The following CROCC2 variants were observed in gnomAD, a reference collection of about 807,000 sequenced individuals.
The protein encoded by CROCC2 is ciliary rootlet coiled-coil protein 2.
CROCC2 carries 163 observed loss-of-function variants against 177.6 expected under a neutral mutation model. The ratio of observed to expected loss-of-function variants is 0.92; its 90% CI spans 0.81 to 1.05. CROCC2 has a LOEUF of 1.05. CROCC2 is among the 50% of genes least tolerant of loss of function. The pLI is 0.00. For missense variants in CROCC2, 1,929 were observed against 1,797.8 expected, an observed-to-expected ratio of 1.07 and a Z score of -1.32; for synonymous variants, 904 against 787.3, an observed-to-expected ratio of 1.15 and a Z score of -2.48.
rs2059573002 is a variant in CROCC2 at position 240,953,905 on chromosome 2, G to A, written c.2830-1954G>A. ...TTTGCAAAGTGAAGCTCTCACCCGA[G>A]AGAACGACACGCTTCTATATTTGAT... is the stretch of plus-strand genomic sequence containing the variant. On this transcript the variant is annotated intron_variant, in intron 18 of 31. Coordinates refer to ENST00000690015, the MANE Select transcript of CROCC2 (RefSeq NM_001351305.2). The surrounding 1 kb of genome is among the most constrained non-coding windows in gnomAD (Gnocchi z 4.0). 6.6e-6 allele frequency among the ~76,000 whole-genome samples: 1 copy of A among 152,146 alleles called. No homozygotes were observed. The highest frequency in any genetic ancestry group is 2.1e-4 in the South Asian group (1 of 4,824).
Position 240,955,379 on chromosome 2 carries a change from G to A in CROCC2, c.2830-480G>A, listed in dbSNP as rs1036317503. ...GCATTGCTTCCACAGCCTGGTCCAC[G>A]GAGCAGCGTGCCACCCTTGGAGCTG... is the stretch of plus-strand genomic sequence containing the variant. On this transcript the variant is annotated intron_variant, in intron 18 of 31. Transcript: ENST00000690015. 3.8e-5 allele frequency: 6 copies of A among 156,310 alleles called. No homozygotes were observed. In the South Asian group the frequency reaches 7.9e-4, roughly 21 times the overall value. 9.7% of individuals were successfully genotyped at this position (156,310 alleles called of 1,614,324 possible).
At chr2:240,959,636 G>T (rs1316619658) in intron 20 of CROCC2, 192 bp downstream of exon 20, 3 of 650,916 alleles carry the variant, frequency 4.6e-6, no homozygotes, top group African/African-American at 3.7e-5. Context: ...CTCACACCAC[G>T]CACTAAGCCA....
Position 240,914,538 on chromosome 2 carries a change from G to A in CROCC2, c.79-4188G>A, listed in dbSNP as rs922613101. Reference sequence around the variant, plus strand: ...GGCAGCCCCCTGCAGCGCTCCTCGCGGCCACACGGGGGCACTGTTGGAGCT... The same window carrying A: ...GGCAGCCCCCTGCAGCGCTCCTCGCAGCCACACGGGGGCACTGTTGGAGCT... On this transcript the variant is annotated intron_variant, in intron 1 of 31. Transcript: ENST00000690015. Among the ~76,000 whole-genome samples the A allele has an allele frequency of 1.1e-4, 17 of 152,332 alleles. No homozygotes were observed. In the Middle Eastern group the frequency reaches 0.014, roughly 122 times the overall value.
chr2:240,912,291 G>C (rs527726085), intron 1 of CROCC2, among the ~76,000 whole-genome samples: 11 of 152,128 alleles, frequency 7.2e-5, no homozygotes, highest in African/African-American at 2.7e-4. Flanking sequence ...CATCCAGAGC[G>C]GGCACAGACC....
Position 240,967,379 on chromosome 2 carries a change from G to A in CROCC2, c.4181G>A (p.Ser1394Asn). The change falls in exon 26 of 32, where the codon AGC (serine) becomes AAC (asparagine). Residue 1394 changes from serine (S) to asparagine (N), a missense_variant. Transcript: ENST00000690015. ...DSRIQMATLS[S>N]RLSEAECRCA... ...CGCATCCAGATGGCGACCCTGAGCA[G>A]CCGGCTGAGCGAGGCAGAGTGCAGG... 1 of 807,826 alleles carries A rather than the reference G, an allele frequency of 1.2e-6. No individual in the cohort carries two copies. The highest frequency in any genetic ancestry group is 2.7e-5 in the East Asian group (1 of 37,424). 50.0% of individuals were successfully genotyped at this position (807,826 alleles called of 1,614,324 possible). A position where few individuals can be genotyped will look rare whatever the true frequency, so the allele number is the denominator to read the frequency against.
At position 240,946,242 on chromosome 2, in the gene CROCC2, A is replaced by G. The variant is rs570369820; in HGVS notation, c.2352A>G (p.Ala784=). Residue 784 remains alanine (A), a synonymous_variant, in exon 15 of 32, where the codon GCA becomes GCG. Coordinates refer to ENST00000690015, the MANE Select transcript of CROCC2 (RefSeq NM_001351305.2). Reference sequence around the variant, plus strand: ...AGGGCCGGCTCGCAGCTGAAGAGGCAGCTGATCTCAGGTATGCAAGGGCCT... The same window carrying G: ...AGGGCCGGCTCGCAGCTGAAGAGGCGGCTGATCTCAGGTATGCAAGGGCCT... ...ERQGRLAAEE[A]ADLRVERDSL... is the part of the protein sequence containing the mutation. The G allele has an allele frequency of 1.3e-6, 2 of 1,532,610 alleles. No individual in the cohort carries two copies. Among genetic ancestry groups the G allele is most frequent in the African/African-American group, 2.7e-5 (2 of 72,920 alleles). The allele number at this position is 1,532,610 out of a possible 1,614,324, so 94.9% of individuals were successfully genotyped here. A position where few individuals can be genotyped will look rare whatever the true frequency, so the allele number is the denominator to read the frequency against.
Position 240,958,020 on chromosome 2 carries a change from TC to T in CROCC2, c.2944-1276del. On this transcript the variant is annotated intron_variant, in intron 19 of 31. Transcript: ENST00000690015. The surrounding 1 kb of genome is among the most constrained non-coding windows in gnomAD (Gnocchi z 6.7). The stretch of plus-strand genomic sequence containing the variant: ...CCTTCTCTTGAGCTGGCCCTGAGTC[TC>T]CCCCGGACTCGGTACCAGGCCTGCC... 1 of 985,194 alleles carries T rather than the reference TC, an allele frequency of 1.0e-6. No homozygotes were observed. Among genetic ancestry groups the T allele is most frequent in the Non-Finnish European group, 1.2e-6 (1 of 829,852 alleles). The allele number at this position is 985,194 out of a possible 1,614,324, so 61.0% of individuals were successfully genotyped here. A position where few individuals can be genotyped will look rare whatever the true frequency, so the allele number is the denominator to read the frequency against.
At chr2:240,919,908 C>T (rs2059347328) in intron 2 of CROCC2, 75 bp from the exon 3 acceptor site, 4 of 658,140 alleles carry the variant, frequency 6.1e-6, no homozygotes, top group Non-Finnish European at 1.1e-5. Flanking sequence ...AGGGTCCCAC[C>T]GTGGAGACAG....
At chr2:240,948,032 C>T (rs201426065) in intron 15 of CROCC2, among the ~76,000 whole-genome samples, 45 of 152,206 alleles carry the variant, frequency 3.0e-4, no homozygotes, top group Middle Eastern at 3.4e-3. Context: ...GGAGACCAGG[C>T]GGGCCTCTAG....
At chr2:240,912,075 C>T (rs1026476187) in intron 1 of CROCC2, among the ~76,000 whole-genome samples, 2 of 152,180 alleles carry the variant, frequency 1.3e-5, no homozygotes, top group Non-Finnish European at 2.9e-5. Context: ...TGCTGTCTTC[C>T]GTAGTAACCG....
intron 30 of CROCC2, among the ~76,000 whole-genome samples, chr2:240,990,510 A>G (rs1453013534): frequency 6.6e-6 from 1 of 152,210 alleles, no homozygotes; most frequent in Non-Finnish European, 1.5e-5. Flanking sequence ...CCCAACCACC[A>G]AGGCACTTTT....
chr2:240,991,167 C>A, intron 30 of CROCC2, 29 bp from the exon 31 acceptor site: 1 of 1,513,094 alleles, frequency 6.6e-7, no homozygotes. Context: ...AGCCTGCCCA[C>A]CTGACCTGAG....
chr2:240,970,654 C>T (rs1402321842), intron 27 of CROCC2, among the ~76,000 whole-genome samples: 1 of 152,172 alleles, frequency 6.6e-6, no homozygotes, highest in African/African-American at 2.4e-5. Flanking sequence ...GACTTTTGCT[C>T]CTTAGAATTT....
At chr2:240,916,382 G>GCT (rs1449386430) in intron 1 of CROCC2, among the ~76,000 whole-genome samples, 2 of 26,384 alleles carry the variant, frequency 7.6e-5, no homozygotes, top group African/African-American at 2.0e-4. Context: ...GCGTCCCCCT[G>GCT]CGCCCCCCTG....
chr2:240,921,654 C>T (rs920819836), intron 3 of CROCC2, among the ~76,000 whole-genome samples: 14 of 152,242 alleles, frequency 9.2e-5, no homozygotes, highest in Admixed American at 1.3e-4. Flanking sequence ...ACCCCCAAGA[C>T]AGGCGGAACG....
At chr2:240,959,091 A>G (rs2059613367) in intron 19 of CROCC2, 2 of 557,706 alleles carry the variant, frequency 3.6e-6, no homozygotes, top group Non-Finnish European at 6.3e-6. Flanking sequence ...CACAGCTGTC[A>G]GGGGCCGTGG....
chr2:240,928,420 T>G (rs201811918), intron 5 of CROCC2, among the ~76,000 whole-genome samples: 8 of 147,666 alleles, frequency 5.4e-5, no homozygotes, highest in African/African-American at 2.0e-4. Flanking sequence ...TGTGCCTGTT[T>G]TGTGTGTGTG....
rs1034958916 is a variant in CROCC2 at position 240,973,254 on chromosome 2, G to A, written c.4401+4992G>A. On this transcript the variant is annotated intron_variant, in intron 27 of 31. Transcript: ENST00000690015. The surrounding 1 kb of genome is among the most constrained non-coding windows in gnomAD (Gnocchi z 4.7). ...CTTGTTTGAGAGCAAATCCCTCCCC[G>A]TTTCCAAGGCTACCCTGGGAATTCA... Among the ~76,000 whole-genome samples the A allele has an allele frequency of 3.9e-5, 6 of 152,184 alleles. No individual in the cohort carries two copies. Among genetic ancestry groups the A allele is most frequent in the East Asian group, 3.8e-4 (2 of 5,202 alleles).
At chr2:240,957,076 T>C (rs1201766801) in intron 19 of CROCC2, among the ~76,000 whole-genome samples, 1 of 151,822 alleles carries the variant, frequency 6.6e-6, no homozygotes, top group Non-Finnish European at 1.5e-5. Context: ...GGTGCGAGGG[T>C]GCCCTGGGCA....
Sources: allele counts gnomAD v4.1 joint callset (sites outside exome capture counted in the v4.1 genomes callset), GRCh38; gene constraint gnomAD v4.1.1; non-coding constraint Gnocchi (gnomAD v3.1); transcripts MANE v1.5; gene names NCBI Gene and HGNC (gene_info 2026-07-23, HGNC 2026-07-21).